The following NFASC variants were observed in gnomAD, a reference collection of about 807,000 sequenced individuals.
The protein encoded by NFASC is neurofascin.
In NFASC, 43 loss-of-function variants were observed where a neutral mutation model predicts 147.5. The ratio of observed to expected loss-of-function variants is 0.29; its 90% CI spans 0.23 to 0.38. The LOEUF (loss-of-function observed/expected upper bound fraction) is 0.38, where lower values mean the gene tolerates loss of function less well. NFASC is among the 10% of genes least tolerant of loss of function. The pLI is 1.00. For missense variants in NFASC, 1,320 were observed against 1,689.0 expected, an observed-to-expected ratio of 0.78 and a Z score of 3.83; for synonymous variants, 622 against 665.5, an observed-to-expected ratio of 0.93 and a Z score of 1.01.
chr1:204,930,041 C>T (rs895686181), intron 2 of NFASC, among the ~76,000 whole-genome samples: 1 of 152,120 alleles, frequency 6.6e-6, no homozygotes, highest in Non-Finnish European at 1.5e-5. Context: ...CATGCCTAGC[C>T]GATCCCTGGG....
intron 1 of NFASC, among the ~76,000 whole-genome samples, chr1:204,852,223 G>A (rs566363724): frequency 1.3e-5 from 2 of 152,328 alleles, no homozygotes; most frequent in African/African-American, 4.8e-5. Flanking sequence ...GTAAGGCTTG[G>A]CGTGGTAGCT....
chr1:204,881,675 G>A (rs2080270534), intron 1 of NFASC, among the ~76,000 whole-genome samples: 1 of 152,156 alleles, frequency 6.6e-6, no homozygotes, highest in African/African-American at 2.4e-5. Flanking sequence ...GTAGACAAAA[G>A]ACAGAAGGAA....
intron 23 of NFASC, among the ~76,000 whole-genome samples, 188 bp from the exon 24 acceptor site, chr1:204,991,104 C>A (rs1369574080): frequency 6.6e-6 from 1 of 152,228 alleles, no homozygotes; most frequent in Non-Finnish European, 1.5e-5. Context: ...TGGAGTTGAC[C>A]GTGAACCCTG....
At chr1:204,950,435 C>A in intron 3 of NFASC, 122 bp from the exon 4 acceptor site, 2 of 887,254 alleles carry the variant, frequency 2.3e-6, no homozygotes, top group South Asian at 2.9e-5. Context: ...GTGCTCAGCG[C>A]CCTCCCCAGG....
At chr1:204,957,186 T>C (rs2094468834) in intron 7 of NFASC, among the ~76,000 whole-genome samples, 1 of 152,244 alleles carries the variant, frequency 6.6e-6, no homozygotes, top group African/African-American at 2.4e-5. Context: ...AGCAAACTGT[T>C]GAGTGACTCC....
At chr1:204,976,550 A>AT (rs58682625) in intron 15 of NFASC, 121 bp from the exon 16 acceptor site, 72,165 of 689,134 alleles carry the variant, frequency 0.1, 4,594 homozygotes, top group African/African-American at 0.23. Context: ...GGAGCCTCAT[A>AT]CCCCCAGAAG....
At chr1:204,870,822 G>T in intron 1 of NFASC, 1 of 1,179,116 alleles carries the variant, frequency 8.5e-7, no homozygotes, top group Non-Finnish European at 1.1e-6. Context: ...GGAGGTGGCC[G>T]ATGGGGGTGA....
chr1:204,995,715 A>G (rs576699524), intron 24 of NFASC, among the ~76,000 whole-genome samples: 17 of 152,166 alleles, frequency 1.1e-4, no homozygotes, highest in Middle Eastern at 3.4e-3. Flanking sequence ...GGGACTTGTA[A>G]TTTTGGAGAC....
chr1:204,938,691 A>C (rs1370410117), intron 2 of NFASC, among the ~76,000 whole-genome samples: 1 of 152,240 alleles, frequency 6.6e-6, no homozygotes, highest in Non-Finnish European at 1.5e-5. Flanking sequence ...CATCTTGGAC[A>C]TTTTGAATCT....
At position 205,016,217 on chromosome 1, in the gene NFASC, CA is replaced by C; in HGVS notation, c.3492-90del. On this transcript the variant is annotated intron_variant, in intron 29 of 29. Coordinates refer to ENST00000339876, the MANE Select transcript of NFASC (RefSeq NM_001005388.3). This position sits in a 1 kb window ranked among gnomAD's most constrained non-coding sequence, Gnocchi z 5.1. ...CTGGACTGGGCGGTCTCCTGGATCC[CA>C]TCCTCTCTGAGCTGTGTAGGGCATG... The C allele has an allele frequency of 2.3e-6, 2 of 882,720 alleles. No individual in the cohort carries two copies. Among genetic ancestry groups the C allele is most frequent in the Non-Finnish European group, 3.8e-6 (2 of 531,938 alleles). The allele number at this position is 882,720 out of a possible 1,614,324, so 54.7% of individuals were successfully genotyped here.
intron 1 of NFASC, among the ~76,000 whole-genome samples, chr1:204,917,794 T>C (rs900274714): frequency 6.6e-6 from 1 of 152,220 alleles, no homozygotes; most frequent in Non-Finnish European, 1.5e-5. Context: ...GCTTATCTTG[T>C]ATGTTTGCTG....
In NFASC at chr1:204,877,343, G is replaced by A. The variant is rs777871581; in HGVS notation, c.-199-43289G>A. On this transcript the variant is annotated intron_variant, in intron 1 of 29. Transcript: ENST00000339876. The stretch of plus-strand genomic sequence containing the variant: ...GGCACAGAGGCATCCTATACACAGC[G>A]TCTGTGAAACGGCCAGAACCAGTGC... 2.6e-5 allele frequency among the ~76,000 whole-genome samples: 4 copies of A among 152,000 alleles called. No individual in the cohort carries two copies. The East Asian group carries it at 7.8e-4, about 30-fold the overall frequency.
intron 1 of NFASC, among the ~76,000 whole-genome samples, chr1:204,868,999 C>T (rs1469609529): frequency 3.3e-5 from 5 of 152,164 alleles, no homozygotes; most frequent in African/African-American, 7.2e-5. Context: ...TTAGGGCCAA[C>T]GCCTTCCATC....
At chr1:204,967,520 C>T (rs1038888642) in intron 8 of NFASC, among the ~76,000 whole-genome samples, 3 of 152,122 alleles carry the variant, frequency 2.0e-5, no homozygotes, top group Admixed American at 6.6e-5. Flanking sequence ...GGCCTAGTTG[C>T]ATTATAGATC....
Position 205,006,603 on chromosome 1 carries a change from A to T in NFASC, c.3290-2954A>T, listed in dbSNP as rs2096117550. On this transcript the variant is annotated intron_variant, in intron 27 of 29. Transcript: ENST00000339876. ...AGCCCACACAGTGGAGAGTAATGAA[A>T]GGTGGCACCATTGGAAGCCTCCTAG... Among the ~76,000 whole-genome samples, 4 of 152,322 alleles carry T rather than the reference A, an allele frequency of 2.6e-5. No individual in the cohort carries two copies. In the South Asian group the frequency reaches 8.3e-4, roughly 32 times the overall value.
rs1558485789 is a variant in NFASC, at chr1:204,843,603, CCTTCCTTCCTTCCTTCCTT to C, written c.-200+14823_-200+14841del. 2.8e-4 allele frequency among the ~76,000 whole-genome samples: 24 copies of C among 84,242 alleles called. No individual in the cohort carries two copies. The East Asian group carries it at 3.1e-3, about 11-fold the overall frequency. The allele number at this position is 84,242 out of a possible 152,430, so 55.3% of individuals were successfully genotyped here. On this transcript the variant is annotated intron_variant, in intron 1 of 29. Transcript: ENST00000339876. ...TTCTTTCCTTCTTCCTTCCTTCCTT[CCTTCCTTCCTTCCTTCCTT>C]CCTTCCTCCCTCCCTCCCTCCCTCC...
At chr1:204,918,714 C>T (rs574385977) in intron 1 of NFASC, among the ~76,000 whole-genome samples, 38 of 148,904 alleles carry the variant, frequency 2.6e-4, no homozygotes, top group African/African-American at 8.4e-4. Flanking sequence ...GCCTCCCGAG[C>T]AGCTGGGATT....
At chr1:204,872,052 G>A (rs904167539) in intron 1 of NFASC, among the ~76,000 whole-genome samples, 2 of 152,228 alleles carry the variant, frequency 1.3e-5, no homozygotes, top group African/African-American at 4.8e-5. Context: ...TGAAGATTCA[G>A]TGACCGTACT....
At chr1:204,984,568 C>G (rs1415731549) in intron 21 of NFASC, among the ~76,000 whole-genome samples, 1 of 151,930 alleles carries the variant, frequency 6.6e-6, no homozygotes, top group Non-Finnish European at 1.5e-5. Flanking sequence ...TGAGGCACCG[C>G]TGAGCTACTC....
Sources: allele counts gnomAD v4.1 joint callset (sites outside exome capture counted in the v4.1 genomes callset), GRCh38; gene constraint gnomAD v4.1.1; non-coding constraint Gnocchi (gnomAD v3.1); transcripts MANE v1.5; gene names NCBI Gene and HGNC (gene_info 2026-07-23, HGNC 2026-07-21).